VGF: variants seen among roughly 807,000 people sequenced by gnomAD.
The protein encoded by VGF is neurosecretory protein VGF.
VGF carries 13 observed loss-of-function variants against 41.1 expected under a neutral mutation model. The observed-to-expected ratio is 0.32, with a 90% confidence interval of 0.21 to 0.50. The LOEUF is 0.50. Among genes scored for constraint, VGF ranks in the 20% least tolerant of loss-of-function variants. The pLI is 0.98. For missense variants in VGF, 920 were observed against 882.1 expected (o/e 1.04, Z -0.54); for synonymous variants, 473 against 418.3 (o/e 1.13, Z -1.60).
Position 101,163,364 on chromosome 7 carries a change from G to C in VGF, c.1480C>G (p.Pro494Ala). Residue 494 changes from proline to alanine, a missense_variant, in exon 2 of 2, where the codon CCC becomes GCC. By Grantham distance (27) the Pro-to-Ala change is conservative. Around this residue, in one of 3 missense-constraint regions of VGF, gnomAD observed 257 missense variants for 217.2 expected, o/e 1.18. Transcript: ENST00000249330. This position sits in a 1 kb window ranked among gnomAD's most constrained non-coding sequence, Gnocchi z 5.0. The stretch of plus-strand genomic sequence containing the variant: ...TGGGTGGGGGCGGGGGCGGCACGGG[G>C]GGGCGGCACGGGCTCGGGAGGGGCG... Reference protein sequence around the residue: ...KNAPPEPVPPPRAAPAPTHVR... With the variant: ...KNAPPEPVPPARAAPAPTHVR... 1 of 1,538,650 alleles carries C rather than the reference G, an allele frequency of 6.5e-7. No homozygotes were observed. The highest frequency in any genetic ancestry group is 8.7e-7 in the Non-Finnish European group (1 of 1,146,366).
upstream of VGF, among the ~76,000 whole-genome samples, chr7:101,165,759 A>C (rs959533806): frequency 1.3e-5 from 2 of 152,096 alleles, no homozygotes; most frequent in Non-Finnish European, 2.9e-5. Flanking sequence ...CTTCGGCTGA[A>C]GGGGTGTGCG....
At chr7:101,166,989 A>C (rs1446483216), upstream of VGF, among the ~76,000 whole-genome samples, 11 of 152,034 alleles carry the variant, frequency 7.2e-5, no homozygotes, top group Admixed American at 6.6e-4. Flanking sequence ...GCTCGTGGGC[A>C]CACGCAGGGC....
In VGF at chr7:101,164,196, A is replaced by G. The variant is rs773080194; in HGVS notation, c.648T>C (p.Arg216=). Residue 216 remains arginine, a synonymous_variant, in exon 2 of 2, where the codon CGT becomes CGC. Coordinates refer to ENST00000249330, the MANE Select transcript of VGF (RefSeq NM_003378.4). ...WRASWGEFQA[R]VPERAPLPPP... is the part of the protein sequence containing the mutation. The stretch of plus-strand genomic sequence containing the variant: ...GCGGCAGGGGCGCGCGCTCCGGGAC[A>G]CGCGCCTGGAACTCTCCCCAGGAAG... The G allele has an allele frequency of 6.5e-7, 1 of 1,530,686 alleles. No homozygotes were observed. Among genetic ancestry groups the G allele is most frequent in the Non-Finnish European group, 8.7e-7 (1 of 1,143,656 alleles). The allele number at this position is 1,530,686 out of a possible 1,614,324, so 94.8% of individuals were successfully genotyped here. A position where few individuals can be genotyped will look rare whatever the true frequency, so the allele number is the denominator to read the frequency against.
At position 101,163,862 on chromosome 7, in the gene VGF, C is replaced by A. The variant is rs1367051934; in HGVS notation, c.982G>T (p.Ala328Ser). Reference protein sequence around the residue: ...AAQEERLADLASDLLLQYLLQ... With the variant: ...AAQEERLADLSSDLLLQYLLQ... ...AAATACTGGAGCAGCAGGTCCGAGG[C>A]GAGGTCGGCCAGCCGCTCTTCCTGC... Residue 328 changes from alanine to serine, a missense_variant, in exon 2 of 2, where the codon GCC becomes TCC. Ala to Ser is a moderately conservative substitution (Grantham distance 99). This residue lies in a region of VGF where 654 missense variants were observed against 638.4 expected (regional missense o/e 1.02). Coordinates refer to ENST00000249330, the MANE Select transcript of VGF (RefSeq NM_003378.4). The surrounding 1 kb of genome is among the most constrained non-coding windows in gnomAD (Gnocchi z 5.0). 4 of 1,497,038 alleles carry A rather than the reference C, an allele frequency of 2.7e-6. No homozygotes were observed. The highest frequency in any genetic ancestry group is 5.3e-5 in the East Asian group (2 of 37,984). The allele number at this position is 1,497,038 out of a possible 1,614,324, so 92.7% of individuals were successfully genotyped here. A position where few individuals can be genotyped will look rare whatever the true frequency, so the allele number is the denominator to read the frequency against.
In VGF at chr7:101,163,921, C is replaced by T; in HGVS notation, c.923G>A (p.Arg308Gln). 6.9e-7 allele frequency: 1 copy of T among 1,459,832 alleles called. No individual in the cohort carries two copies. Among genetic ancestry groups the T allele is most frequent in the South Asian group, 1.4e-5 (1 of 72,308 alleles). The allele number at this position is 1,459,832 out of a possible 1,614,324, so 90.4% of individuals were successfully genotyped here. ...CTGCCGCGTGGCCTCCGCCTGCCGC[C>T]GCCCGGCCTCCACCTGCGCCAGCCC... ...QQGLAQVEAG[R>Q]RQAEATRQAA... The change falls in exon 2 of 2, where the codon CGG becomes CAG. Residue 308 changes from arginine (R) to glutamine (Q), a missense_variant. By Grantham distance (43) the Arg-to-Gln change is conservative. This residue lies in a region of VGF where 654 missense variants were observed against 638.4 expected (regional missense o/e 1.02). Transcript: ENST00000249330. This position sits in a 1 kb window ranked among gnomAD's most constrained non-coding sequence, Gnocchi z 5.0.
chr7:101,165,130 C>A (rs1797197257), intron 1 of VGF: 1 of 1,162,120 alleles, frequency 8.6e-7, no homozygotes, highest in East Asian at 4.0e-5. Context: ...CCATCGCCCA[C>A]GTACTAAGCA....
chr7:101,163,514 C>A lies in VGF; in HGVS notation c.1330G>T (p.Asp444Tyr). ...ATCGTCTGCGGATCCATCTCCTCGT[C>A]GTCCTCCTCCTCCCCGCCCTCCTCT... ...GTEEGGEEEDDEEMDPQTIDS... is the reference protein window; with the variant it reads ...GTEEGGEEEDYEEMDPQTIDS... Residue 444 changes from aspartate to tyrosine, a missense_variant, in exon 2 of 2, where the codon GAC becomes TAC. Asp to Tyr is a radical substitution (Grantham distance 160). Coordinates refer to ENST00000249330, the MANE Select transcript of VGF (RefSeq NM_003378.4). The surrounding 1 kb of genome is among the most constrained non-coding windows in gnomAD (Gnocchi z 5.0). The A allele has an allele frequency of 6.2e-7, 1 of 1,611,142 alleles. No individual in the cohort carries two copies. Among genetic ancestry groups the A allele is most frequent in the East Asian group, 2.2e-5 (1 of 44,826 alleles).
chr7:101,162,684 CT>C lies in VGF; in HGVS notation c.*311del. ...CACTTCACACAATTAACTGGAACTG[CT>C]TTTTCCGGTTTCCGACGGGGACGTC... is the stretch of plus-strand genomic sequence containing the variant. On this transcript the variant is annotated 3_prime_UTR_variant, in exon 2 of 2. Coordinates refer to ENST00000249330, the MANE Select transcript of VGF (RefSeq NM_003378.4). This position sits in a 1 kb window ranked among gnomAD's most constrained non-coding sequence, Gnocchi z 4.2. 1.8e-5 allele frequency: 9 copies of C among 493,630 alleles called. No homozygotes were observed. The highest frequency in any genetic ancestry group is 5.7e-5 in the East Asian group (1 of 17,424). 30.6% of individuals were successfully genotyped at this position (493,630 alleles called of 1,614,324 possible). A position where few individuals can be genotyped will look rare whatever the true frequency, so the allele number is the denominator to read the frequency against.
Position 101,163,955 on chromosome 7 carries a change from G to A in VGF, c.889C>T (p.Leu297Phe). Residue 297 changes from leucine to phenylalanine, a missense_variant, in exon 2 of 2, where the codon CTC (leucine) becomes TTC (phenylalanine). This residue lies in a region of VGF where 654 missense variants were observed against 638.4 expected (regional missense o/e 1.02). Transcript: ENST00000249330. This position sits in a 1 kb window ranked among gnomAD's most constrained non-coding sequence, Gnocchi z 5.0. Reference sequence around the variant, plus strand: ...TCCACCTGCGCCAGCCCTTGCTGGAGAAGGCGCTCGCCCGCCTCGGAGCCG... The same window carrying A: ...TCCACCTGCGCCAGCCCTTGCTGGAAAAGGCGCTCGCCCGCCTCGGAGCCG... ...LGGSEAGERL[L>F]QQGLAQVEAG... 6.9e-7 allele frequency: 1 copy of A among 1,458,646 alleles called. No homozygotes were observed. Among genetic ancestry groups the A allele is most frequent in the East Asian group, 2.7e-5 (1 of 37,254 alleles). 90.4% of individuals were successfully genotyped at this position (1,458,646 alleles called of 1,614,324 possible).
chr7:101,165,517 C>A lies in VGF; in HGVS notation c.-164G>T. On this transcript the variant is annotated 5_prime_UTR_variant, in exon 1 of 2. Coordinates refer to ENST00000249330, the MANE Select transcript of VGF (RefSeq NM_003378.4). Reference sequence around the variant, plus strand: ...GGTCTGGCGTCCCGTGGGCTGGGCTCAGCTGGGTCGGCGCGGCTCCGGGCG... The same window carrying A: ...GGTCTGGCGTCCCGTGGGCTGGGCTAAGCTGGGTCGGCGCGGCTCCGGGCG... The A allele has an allele frequency of 1.0e-6, 1 of 985,470 alleles. No homozygotes were observed. Among genetic ancestry groups the A allele is most frequent in the South Asian group, 4.7e-5 (1 of 21,292 alleles). The allele number at this position is 985,470 out of a possible 1,614,324, so 61.0% of individuals were successfully genotyped here.
chr7:101,163,674 T>TGCCTCC lies in VGF; in HGVS notation c.1164_1169dup (p.Ala392_Glu393dup), dbSNP rs763459941. The TGCCTCC allele has an allele frequency of 2.0e-6, 3 of 1,537,842 alleles. No homozygotes were observed. Among genetic ancestry groups the TGCCTCC allele is most frequent in the African/African-American group, 1.4e-5 (1 of 72,760 alleles). On this transcript the variant is annotated inframe_insertion, in exon 2 of 2. Transcript: ENST00000249330. This position sits in a 1 kb window ranked among gnomAD's most constrained non-coding sequence, Gnocchi z 5.0. ...GCGCCCTCTCCGCCTCCTCCGCCTC[T>TGCCTCC]GCCTCCGCCTCGGCCGCCTCCTCAT...
rs762941940 is a variant in VGF, at chr7:101,163,806, G to A, written c.1038C>T (p.Leu346=). 2.6e-6 allele frequency: 4 copies of A among 1,533,606 alleles called. No homozygotes were observed. Among genetic ancestry groups the A allele is most frequent in the East Asian group, 2.4e-5 (1 of 41,076 alleles). The allele number at this position is 1,533,606 out of a possible 1,614,324, so 95.0% of individuals were successfully genotyped here. ...CCGCCTCCTGCAGCCCCCGACCCCCGAGGCCGCGCTGCCGGGCCCCGCCCT... is the reference window on the plus strand; with the variant it reads ...CCGCCTCCTGCAGCCCCCGACCCCCAAGGCCGCGCTGCCGGGCCCCGCCCT... ...LLQGGARQRG[L]GGRGLQEAAE... The change falls in exon 2 of 2, where the codon CTC becomes CTT. Residue 346 remains leucine (L), a synonymous_variant. Transcript: ENST00000249330. This position sits in a 1 kb window ranked among gnomAD's most constrained non-coding sequence, Gnocchi z 5.0.
chr7:101,169,389 T>C (rs1797271663), upstream of VGF, among the ~76,000 whole-genome samples: 1 of 151,796 alleles, frequency 6.6e-6, no homozygotes, highest in East Asian at 1.9e-4. Context: ...ACCACTTCTG[T>C]CATCCTGAAC....
At chr7:101,168,253 C>T (rs576644255), upstream of VGF, among the ~76,000 whole-genome samples, 117 of 152,248 alleles carry the variant, frequency 7.7e-4, no homozygotes, top group Admixed American at 5.5e-3. Context: ...CTCCAGTCGT[C>T]CTGTCGTGAG....
Position 101,163,053 on chromosome 7 carries a change from C to G in VGF, c.1791G>C (p.Leu597=), listed in dbSNP as rs763939449. 2.0e-5 allele frequency: 32 copies of G among 1,571,288 alleles called. No homozygotes were observed. The highest frequency in any genetic ancestry group is 3.4e-6 in the Non-Finnish European group (4 of 1,163,584). Reference sequence around the variant, plus strand: ...AATTCTCCAGCTCCTCCTGCTCCTGCAGCCGGCGCTCCTCCGCCTCCGCCT... The same window carrying G: ...AATTCTCCAGCTCCTCCTGCTCCTGGAGCCGGCGCTCCTCCGCCTCCGCCT... ...QEEAEAEERR[L]QEQEELENYI... Residue 597 remains leucine (L), a synonymous_variant, in exon 2 of 2, where the codon CTG becomes CTC. Transcript: ENST00000249330. This position sits in a 1 kb window ranked among gnomAD's most constrained non-coding sequence, Gnocchi z 5.0.
rs1284094424 is a variant in VGF, at chr7:101,162,978, C to G, written c.*18G>C. ...CGCGCGCGGCGGGGGCGCGCGGGGG[C>G]GGGACCGGGAAGGGCAGTCACGGGC... is the stretch of plus-strand genomic sequence containing the variant. On this transcript the variant is annotated 3_prime_UTR_variant, in exon 2 of 2. Transcript: ENST00000249330. This position sits in a 1 kb window ranked among gnomAD's most constrained non-coding sequence, Gnocchi z 4.2. 2 of 1,266,950 alleles carry G rather than the reference C, an allele frequency of 1.6e-6. No homozygotes were observed. Among genetic ancestry groups the G allele is most frequent in the East Asian group, 3.1e-5 (1 of 32,572 alleles). 78.5% of individuals were successfully genotyped at this position (1,266,950 alleles called of 1,614,324 possible).
Position 101,163,674 on chromosome 7 carries a change from TGCCTCC to T in VGF, c.1164_1169del (p.Ala392_Glu393del). 6.5e-7 allele frequency: 1 copy of T among 1,537,958 alleles called. No individual in the cohort carries two copies. Among genetic ancestry groups the T allele is most frequent in the South Asian group, 1.2e-5 (1 of 84,190 alleles). Reference sequence around the variant, plus strand: ...GCGCCCTCTCCGCCTCCTCCGCCTCTGCCTCCGCCTCGGCCGCCTCCTCATCCTCTT... The same window carrying T: ...GCGCCCTCTCCGCCTCCTCCGCCTCTGCCTCGGCCGCCTCCTCATCCTCTT... On this transcript the variant is annotated inframe_deletion, in exon 2 of 2. Transcript: ENST00000249330. This position sits in a 1 kb window ranked among gnomAD's most constrained non-coding sequence, Gnocchi z 5.0.
chr7:101,166,154 G>T (rs1306372046), upstream of VGF, among the ~76,000 whole-genome samples: 1 of 152,198 alleles, frequency 6.6e-6, no homozygotes, highest in African/African-American at 2.4e-5. Context: ...AGATCTGCAC[G>T]CCTGCGGGCG....
At chr7:101,166,011 G>C (rs1159168985), upstream of VGF, among the ~76,000 whole-genome samples, 3 of 152,240 alleles carry the variant, frequency 2.0e-5, no homozygotes, top group South Asian at 4.1e-4. Flanking sequence ...TAGTCCCAGC[G>C]TCTGACTGGG....
Sources: gnomAD v4.1 joint callset for allele counts (sites outside exome capture counted in the v4.1 genomes callset) on GRCh38, gnomAD v4.1.1 for gene constraint, gnomAD v4.1.1 regional missense constraint, Gnocchi (gnomAD v3.1) non-coding constraint, MANE v1.5 for transcripts, NCBI Gene and HGNC (gene_info 2026-07-23, HGNC 2026-07-21) for gene names.